CBFA2T2: variants seen among roughly 807,000 people sequenced by gnomAD.
CBFA2T2 encodes the protein protein CBFA2T2.
In CBFA2T2, 11 loss-of-function variants were observed where a neutral mutation model predicts 62.2. That is an observed-to-expected ratio of 0.18 (90% CI 0.11 to 0.29). The LOEUF (loss-of-function observed/expected upper bound fraction) is 0.29, where lower values mean the gene tolerates loss of function less well. Among genes scored for constraint, CBFA2T2 ranks in the 10% least tolerant of loss-of-function variants. CBFA2T2 has a pLI of 1.00. For synonymous variants in CBFA2T2, 295 were observed against 287.5 expected (o/e 1.03, Z -0.27); for missense variants, 592 against 774.1 (o/e 0.76, Z 2.79).
intron 1 of CBFA2T2, among the ~76,000 whole-genome samples, chr20:33,596,722 G>A (rs1466054976): frequency 1.3e-5 from 2 of 151,912 alleles, no homozygotes; most frequent in African/African-American, 2.4e-5. Context: ...CCCACCCCAG[G>A]CCTCAGCTCC....
intron 1 of CBFA2T2, among the ~76,000 whole-genome samples, chr20:33,575,029 T>G (rs557398061): frequency 6.6e-6 from 1 of 152,370 alleles, no homozygotes; most frequent in East Asian, 1.9e-4. Context: ...CAAAATAATT[T>G]CTAAAATATT....
intron 1 of CBFA2T2, among the ~76,000 whole-genome samples, chr20:33,545,456 T>TCTTC (rs2012532083): frequency 6.6e-6 from 1 of 151,958 alleles, no homozygotes; most frequent in African/African-American, 2.4e-5. Flanking sequence ...TTTCTTTCTT[T>TCTTC]CTTTCTTTCT....
chr20:33,537,281 T>G (rs972125305), intron 1 of CBFA2T2, among the ~76,000 whole-genome samples: 1 of 152,216 alleles, frequency 6.6e-6, no homozygotes, highest in Non-Finnish European at 1.5e-5. Context: ...GGTTAGGAGC[T>G]GGAGACCAGC....
chr20:33,535,366 CAT>C (rs1434228459), intron 1 of CBFA2T2, among the ~76,000 whole-genome samples: 3 of 151,544 alleles, frequency 2.0e-5, no homozygotes, highest in Admixed American at 6.6e-5. Context: ...CATATTCCCA[CAT>C]AGTCGTGGTG....
intron 1 of CBFA2T2, among the ~76,000 whole-genome samples, chr20:33,570,930 G>T (rs2013536459): frequency 6.6e-6 from 1 of 152,180 alleles, no homozygotes; most frequent in African/African-American, 2.4e-5. Context: ...CCCAAGTAGA[G>T]AAGCATGGCA....
At chr20:33,500,216 A>C (rs1034935309) in intron 1 of CBFA2T2, among the ~76,000 whole-genome samples, 2 of 151,872 alleles carry the variant, frequency 1.3e-5, no homozygotes, top group African/African-American at 4.8e-5. Context: ...CTGCCTCCCA[A>C]AGTGGTGGGA....
Position 33,606,931 on chromosome 20 carries a change from C to A in CBFA2T2, c.35-25C>A, listed in dbSNP as rs759575022. 3 of 1,606,834 alleles carry A rather than the reference C, an allele frequency of 1.9e-6. No individual in the cohort carries two copies. The African/African-American group carries it at 4.0e-5, about 22-fold the overall frequency. Reference sequence around the variant, plus strand: ...TTTGCAAACTTTTAGAAAACCCTAACCTCCATTTCTCTGATTCTCTGCAGT... The same window carrying A: ...TTTGCAAACTTTTAGAAAACCCTAAACTCCATTTCTCTGATTCTCTGCAGT... On this transcript the variant is annotated intron_variant, in intron 1 of 10. Coordinates refer to ENST00000342704, the MANE Select transcript of CBFA2T2 (RefSeq NM_001032999.3).
chr20:33,544,454 G>A (rs117075600), intron 1 of CBFA2T2, among the ~76,000 whole-genome samples: 2,860 of 152,242 alleles, frequency 0.019, 211 homozygotes, highest in Admixed American at 0.14. Flanking sequence ...ACTGTATATA[G>A]TATTTATTAA....
chr20:33,644,828 G>GA lies in CBFA2T2; in HGVS notation c.*183dup. The stretch of plus-strand genomic sequence containing the variant: ...CCTCTCTGTGCACTTGCTGTCTGCG[G>GA]AGCCAGTGTGCCATTCTCTGCACAT... On this transcript the variant is annotated 3_prime_UTR_variant, in exon 11 of 11. Coordinates refer to ENST00000342704, the MANE Select transcript of CBFA2T2 (RefSeq NM_001032999.3). The GA allele has an allele frequency of 1.5e-6, 1 of 654,390 alleles. No homozygotes were observed. 40.5% of individuals were successfully genotyped at this position (654,390 alleles called of 1,614,324 possible).
chr20:33,578,367 A>G (rs1468812990), intron 1 of CBFA2T2, among the ~76,000 whole-genome samples: 1 of 152,238 alleles, frequency 6.6e-6, no homozygotes, highest in African/African-American at 2.4e-5. Flanking sequence ...ATTTGGGCCT[A>G]AAGTTTAATG....
At chr20:33,544,931 T>TGAATAGAATAGAATA (rs373602068) in intron 1 of CBFA2T2, among the ~76,000 whole-genome samples, 1 of 136,980 alleles carries the variant, frequency 7.3e-6, no homozygotes, top group Non-Finnish European at 1.5e-5. Context: ...CATGCATGAG[T>TGAATAGAATAGAATA]GAATAGAATA....
At chr20:33,509,594 G>A (rs1453063487) in intron 1 of CBFA2T2, among the ~76,000 whole-genome samples, 3 of 152,034 alleles carry the variant, frequency 2.0e-5, no homozygotes, top group African/African-American at 4.8e-5. Context: ...TTGGGAGGCC[G>A]AGGTGGGTGG....
intron 1 of CBFA2T2, among the ~76,000 whole-genome samples, chr20:33,597,274 T>C (rs1384730783): frequency 6.6e-6 from 1 of 152,178 alleles, no homozygotes; most frequent in Non-Finnish European, 1.5e-5. Context: ...TATTTACTGC[T>C]GTCACCTCAG....
chr20:33,610,960 C>A (rs1437704228), intron 2 of CBFA2T2, 134 bp from the exon 3 acceptor site: 3 of 1,015,526 alleles, frequency 3.0e-6, no homozygotes, highest in Non-Finnish European at 4.4e-6. Flanking sequence ...GAGGACAGAA[C>A]CAGTTTTGCA....
At chr20:33,570,212 CA>C (rs1367762326) in intron 1 of CBFA2T2, among the ~76,000 whole-genome samples, 4 of 152,172 alleles carry the variant, frequency 2.6e-5, no homozygotes, top group Non-Finnish European at 5.9e-5. Context: ...ACCCAGGAGG[CA>C]GAGTTTGCAG....
At chr20:33,598,492 G>A (rs754516523) in intron 1 of CBFA2T2, among the ~76,000 whole-genome samples, 2 of 152,122 alleles carry the variant, frequency 1.3e-5, no homozygotes, top group South Asian at 2.1e-4. Flanking sequence ...GCTCATCAGC[G>A]GTCAGAGTTT....
intron 1 of CBFA2T2, among the ~76,000 whole-genome samples, chr20:33,543,767 A>G (rs2012466112): frequency 6.6e-6 from 1 of 152,190 alleles, no homozygotes; most frequent in South Asian, 2.1e-4. Context: ...GTTGCCAAGT[A>G]GAAGACAGGC....
At chr20:33,633,381 TA>T (rs1294043902) in intron 8 of CBFA2T2, among the ~76,000 whole-genome samples, 14 of 39,576 alleles carry the variant, frequency 3.5e-4, no homozygotes, top group Non-Finnish European at 5.5e-4. Flanking sequence ...AAAAAAAAAA[TA>T]AATAAATAAA....
intron 1 of CBFA2T2, among the ~76,000 whole-genome samples, chr20:33,589,554 T>C (rs1017334731): frequency 1.3e-5 from 2 of 152,238 alleles, no homozygotes; most frequent in African/African-American, 4.8e-5. Flanking sequence ...AATTCGTTTC[T>C]TTGTCATGGG....
Sources: gnomAD v4.1 joint callset for allele counts (sites outside exome capture counted in the v4.1 genomes callset) on GRCh38, gnomAD v4.1.1 for gene constraint, MANE v1.5 for transcripts, NCBI Gene and HGNC (gene_info 2026-07-23, HGNC 2026-07-21) for gene names.